ANKRD16: variants seen among roughly 807,000 people sequenced by gnomAD.
The protein encoded by ANKRD16 is ankyrin repeat domain-containing protein 16.
A neutral mutation model predicts 37.9 loss-of-function variants in ANKRD16; 35 were observed. The ratio of observed to expected loss-of-function variants is 0.92; its 90% CI spans 0.71 to 1.23. The LOEUF is 1.23. Among genes scored for constraint, ANKRD16 ranks in the 50% most tolerant of loss-of-function variants. The probability of loss-of-function intolerance (pLI) is 0.00; values close to 1 mark genes in which losing one functional copy is unlikely to be tolerated. For missense variants in ANKRD16, 480 were observed against 469.9 expected, an observed-to-expected ratio of 1.02 and a Z score of -0.20; for synonymous variants, 206 against 197.2, an observed-to-expected ratio of 1.04 and a Z score of -0.37.
rs569970651 is a variant in ANKRD16, at chr10:5,874,283, T to G, written c.*33+3814A>C. On this transcript the variant is annotated intron_variant, in intron 7 of 7. Coordinates refer to ENST00000380094, the MANE Select transcript of ANKRD16 (RefSeq NM_019046.3). The surrounding 1 kb of genome is among the most constrained non-coding windows in gnomAD (Gnocchi z 4.7). ...CTGACAGCCCTGGTGGAAGTGGGTG[T>G]TAGTTAAGGCAATCAGAAATCCTGG... Among the ~76,000 whole-genome samples, 9 of 152,144 alleles carry G rather than the reference T, an allele frequency of 5.9e-5. No homozygotes were observed. The highest frequency in any genetic ancestry group is 1.2e-4 in the Non-Finnish European group (8 of 68,018).
At chr10:5,888,520 A>C (rs1842494808) in intron 1 of ANKRD16, among the ~76,000 whole-genome samples, 1 of 152,318 alleles carries the variant, frequency 6.6e-6, no homozygotes, top group East Asian at 1.9e-4. Context: ...ACGAAATGCA[A>C]TTGGCTTGTG....
Position 5,871,386 on chromosome 10 carries a change from CAAATAAATAAATAAATAAAT to C in ANKRD16, c.*33+6691_*33+6710del, listed in dbSNP as rs71388491. Among the ~76,000 whole-genome samples the C allele has an allele frequency of 5.8e-4, 86 of 147,878 alleles. No homozygotes were observed. The highest frequency in any genetic ancestry group is 2.0e-3 in the African/African-American group (81 of 39,870). ...TGGGCGACAGAGCTAGACTCCAACTCAAATAAATAAATAAATAAATAAATAAATAAATAAATAAATATCAC... is the reference window on the plus strand; with the variant it reads ...TGGGCGACAGAGCTAGACTCCAACTCAAATAAATAAATAAATAAATATCAC... On this transcript the variant is annotated intron_variant, in intron 7 of 7. Coordinates refer to ENST00000380094, the MANE Select transcript of ANKRD16 (RefSeq NM_019046.3). The surrounding 1 kb of genome is among the most constrained non-coding windows in gnomAD (Gnocchi z 4.5).
At position 5,889,361 on chromosome 10, in the gene ANKRD16, G is replaced by C. The variant is rs943966863; in HGVS notation, c.-7C>G. 97 of 1,213,266 alleles carry C rather than the reference G, an allele frequency of 8.0e-5. No homozygotes were observed. The highest frequency in any genetic ancestry group is 9.8e-5 in the Non-Finnish European group (96 of 978,164). 75.2% of individuals were successfully genotyped at this position (1,213,266 alleles called of 1,614,324 possible). ...GGTCCCCGGGCTGGGCCATCGCCGC[G>C]GGTCGGGCCGGGCTGCGCGGGGAGG... On this transcript the variant is annotated 5_prime_UTR_variant, in exon 1 of 8. Transcript: ENST00000380094.
In ANKRD16 at chr10:5,889,122, G is replaced by A. The variant is rs749422861; in HGVS notation, c.233C>T (p.Ala78Val). 1.5e-5 allele frequency: 24 copies of A among 1,596,198 alleles called. No individual in the cohort carries two copies. In the South Asian group the frequency reaches 2.2e-4, roughly 15 times the overall value. ...GCAGTCTCGGTGGCCCATGGAGGCC[G>A]CCTCGTGCAGAGGCCGCTTGTAGTC... ...NRDYKRPLHEAASMGHRDCVR... is the reference protein window; with the variant it reads ...NRDYKRPLHEVASMGHRDCVR... Residue 78 changes from alanine to valine, a missense_variant, in exon 1 of 8, where the codon GCG becomes GTG. Transcript: ENST00000380094.
At position 5,865,935 on chromosome 10, in the gene ANKRD16, G is replaced by A. The variant is rs1286965367; in HGVS notation, c.*34-3244C>T. On this transcript the variant is annotated intron_variant, in intron 7 of 7. Transcript: ENST00000380094. This position sits in a 1 kb window ranked among gnomAD's most constrained non-coding sequence, Gnocchi z 4.7. ...TTGGGGTCCTTACTCAGACTCATGGGACAACCCCACAACCAGTGGCATACC... is the reference window on the plus strand; with the variant it reads ...TTGGGGTCCTTACTCAGACTCATGGAACAACCCCACAACCAGTGGCATACC... 6.6e-6 allele frequency among the ~76,000 whole-genome samples: 1 copy of A among 152,116 alleles called. No homozygotes were observed. Among genetic ancestry groups the A allele is most frequent in the African/African-American group, 2.4e-5 (1 of 41,410 alleles).
At position 5,863,711 on chromosome 10, in the gene ANKRD16, A is replaced by G. The variant is rs116068823; in HGVS notation, c.*34-1020T>C. ...TGGGTCCACACCAACTTTAAGAGCC[A>G]TAACACTCACCGTGAGGGTCTGCGG... On this transcript the variant is annotated intron_variant, in intron 7 of 7. Coordinates refer to ENST00000380094, the MANE Select transcript of ANKRD16 (RefSeq NM_019046.3). This position sits in a 1 kb window ranked among gnomAD's most constrained non-coding sequence, Gnocchi z 4.7. Among the ~76,000 whole-genome samples the G allele has an allele frequency of 0.026, 4,000 of 152,228 alleles. 183 individuals carry two copies. Among genetic ancestry groups the G allele is most frequent in the African/African-American group, 0.09 (3,752 of 41,480 alleles).
chr10:5,862,786 G>A lies in ANKRD16; in HGVS notation c.*34-95C>T. On this transcript the variant is annotated intron_variant, in intron 7 of 7. Transcript: ENST00000380094. This position sits in a 1 kb window ranked among gnomAD's most constrained non-coding sequence, Gnocchi z 6.5. The stretch of plus-strand genomic sequence containing the variant: ...GCACAAGGTCCCACAGCTGGACTCA[G>A]GGCTGCTGGCTACAGGGCCTGGCTC... The A allele has an allele frequency of 1.2e-6, 1 of 844,182 alleles. No individual in the cohort carries two copies. Among genetic ancestry groups the A allele is most frequent in the Non-Finnish European group, 1.7e-6 (1 of 584,372 alleles). 52.3% of individuals were successfully genotyped at this position (844,182 alleles called of 1,614,324 possible).
rs1223077786 is a variant in ANKRD16 at position 5,871,661 on chromosome 10, T to C, written c.*33+6436A>G. Among the ~76,000 whole-genome samples the C allele has an allele frequency of 1.3e-5, 2 of 151,380 alleles. No individual in the cohort carries two copies. Among genetic ancestry groups the C allele is most frequent in the East Asian group, 3.9e-4 (2 of 5,170 alleles). On this transcript the variant is annotated intron_variant, in intron 7 of 7. Coordinates refer to ENST00000380094, the MANE Select transcript of ANKRD16 (RefSeq NM_019046.3). This position sits in a 1 kb window ranked among gnomAD's most constrained non-coding sequence, Gnocchi z 4.5. ...CTTCATGCCTCTGAGAAGGAAACTC[T>C]CCTTCTGCATCTGGAGCTGAGCTCC...
At chr10:5,880,432 A>C in intron 5 of ANKRD16, 56 bp from the exon 6 acceptor site, 2 of 1,191,728 alleles carry the variant, frequency 1.7e-6, no homozygotes, top group Non-Finnish European at 1.2e-6. Flanking sequence ...AACCTTTTGC[A>C]AACCAAAAAG....
intron 7 of ANKRD16, 129 bp downstream of exon 7, chr10:5,877,945 GCTGGGAACTCAGCCCCCTGATCA>G (rs1339849353): frequency 2.7e-6 from 2 of 739,332 alleles, no homozygotes; most frequent in South Asian, 1.9e-5. Context: ...CTGTCATGGA[GCTGGGAACTCAGCCCCCTGATCA>G]CTGGGAACTC....
At position 5,875,102 on chromosome 10, in the gene ANKRD16, C is replaced by A. The variant is rs546846083; in HGVS notation, c.*33+2995G>T. 2.6e-5 allele frequency among the ~76,000 whole-genome samples: 4 copies of A among 152,186 alleles called. No homozygotes were observed. In the East Asian group the frequency reaches 7.7e-4, roughly 29 times the overall value. On this transcript the variant is annotated intron_variant, in intron 7 of 7. Coordinates refer to ENST00000380094, the MANE Select transcript of ANKRD16 (RefSeq NM_019046.3). Reference sequence around the variant, plus strand: ...TCTGCACAGAGCAGCAACAACGACGCCAGACTGCGGGGGGTGGGAGGTGCC... The same window carrying A: ...TCTGCACAGAGCAGCAACAACGACGACAGACTGCGGGGGGTGGGAGGTGCC...
At chr10:5,880,065 A>G (rs188521432) in intron 6 of ANKRD16, among the ~76,000 whole-genome samples, 3 of 151,384 alleles carry the variant, frequency 2.0e-5, no homozygotes, top group African/African-American at 7.3e-5. Flanking sequence ...AGGCTGAGAC[A>G]TGAGAATCAC....
At position 5,869,844 on chromosome 10, in the gene ANKRD16, G is replaced by T. The variant is rs1185428194; in HGVS notation, c.*34-7153C>A. On this transcript the variant is annotated intron_variant, in intron 7 of 7. Coordinates refer to ENST00000380094, the MANE Select transcript of ANKRD16 (RefSeq NM_019046.3). This position sits in a 1 kb window ranked among gnomAD's most constrained non-coding sequence, Gnocchi z 4.0. ...TCAACTTTTATTTTAAATACAGGGG[G>T]TACATGTGCAGGTTTGTTACCTGGG... is the stretch of plus-strand genomic sequence containing the variant. Among the ~76,000 whole-genome samples the T allele has an allele frequency of 6.6e-6, 1 of 152,042 alleles. No individual in the cohort carries two copies. The highest frequency in any genetic ancestry group is 1.5e-5 in the Non-Finnish European group (1 of 68,016).
intron 2 of ANKRD16, 112 bp from the exon 3 acceptor site, chr10:5,885,877 G>A: frequency 9.2e-7 from 1 of 1,081,800 alleles, no homozygotes; most frequent in South Asian, 1.6e-5. Context: ...CTTACAAGAA[G>A]GAGTCATTAA....
chr10:5,884,123 A>C, intron 3 of ANKRD16, 46 bp from the exon 4 acceptor site: 2 of 1,473,280 alleles, frequency 1.4e-6, no homozygotes, highest in Non-Finnish European at 1.9e-6. Context: ...TCAATACCTC[A>C]AACCCAGGGG....
At chr10:5,867,846 G>A (rs554104011) in intron 7 of ANKRD16, among the ~76,000 whole-genome samples, 4 of 152,270 alleles carry the variant, frequency 2.6e-5, no homozygotes, top group African/African-American at 4.8e-5. Flanking sequence ...TAGTAACTAC[G>A]ATCCCAAATA....
In ANKRD16 at chr10:5,862,498, A is replaced by T; in HGVS notation, c.*227T>A. On this transcript the variant is annotated 3_prime_UTR_variant, in exon 8 of 8. Coordinates refer to ENST00000380094, the MANE Select transcript of ANKRD16 (RefSeq NM_019046.3). This position sits in a 1 kb window ranked among gnomAD's most constrained non-coding sequence, Gnocchi z 6.5. ...ACCATTTTTGGAGACAGACCCAGGG[A>T]GCTGACCTTGGGGGCCAGTGCAGAT... 1 of 766,352 alleles carries T rather than the reference A, an allele frequency of 1.3e-6. No individual in the cohort carries two copies. Among genetic ancestry groups the T allele is most frequent in the Non-Finnish European group, 1.9e-6 (1 of 521,848 alleles). 47.5% of individuals were successfully genotyped at this position (766,352 alleles called of 1,614,324 possible).
At chr10:5,872,536 G>A (rs187150819) in intron 7 of ANKRD16, among the ~76,000 whole-genome samples, 97 of 152,134 alleles carry the variant, frequency 6.4e-4, no homozygotes, top group Admixed American at 2.6e-3. Flanking sequence ...CAGCTCAACC[G>A]TATGCATTTT....
In ANKRD16 at chr10:5,889,181, C is replaced by G. The variant is rs1212429850; in HGVS notation, c.174G>C (p.Glu58Asp). The G allele has an allele frequency of 6.3e-7, 1 of 1,598,270 alleles. No homozygotes were observed. Among genetic ancestry groups the G allele is most frequent in the Non-Finnish European group, 8.5e-7 (1 of 1,179,428 alleles). ...GHRDVLAYLA[E>D]AWGMDIEATN... ...TGGCCTCGATGTCCATGCCCCAGGCCTCGGCCAGATAGGCCAGCACGTCCC... is the reference window on the plus strand; with the variant it reads ...TGGCCTCGATGTCCATGCCCCAGGCGTCGGCCAGATAGGCCAGCACGTCCC... Residue 58 changes from glutamate (E) to aspartate (D), a missense_variant, in exon 1 of 8, where the codon GAG (glutamate) becomes GAC (aspartate). Glu to Asp is a conservative substitution (Grantham distance 45). Transcript: ENST00000380094.
Sources: gnomAD v4.1 joint callset for allele counts (sites outside exome capture counted in the v4.1 genomes callset) on GRCh38, gnomAD v4.1.1 for gene constraint, Gnocchi (gnomAD v3.1) non-coding constraint, MANE v1.5 for transcripts, NCBI Gene and HGNC (gene_info 2026-07-23, HGNC 2026-07-21) for gene names.